Variants in MGLL observed in about 807,000 individuals in gnomAD.
The protein encoded by MGLL is monoglyceride lipase.
MGLL carries 7 observed loss-of-function variants against 29.1 expected under a neutral mutation model. The ratio of observed to expected loss-of-function variants is 0.24; its 90% CI spans 0.14 to 0.45. The LOEUF is 0.45. Among genes scored for constraint, MGLL ranks in the 20% least tolerant of loss-of-function variants. MGLL has a pLI of 0.99. For synonymous variants in MGLL, 148 were observed against 168.3 expected, an observed-to-expected ratio of 0.88 and a Z score of 0.93; for missense variants, 356 against 413.6, an observed-to-expected ratio of 0.86 and a Z score of 1.21.
intron 2 of MGLL, among the ~76,000 whole-genome samples, chr3:127,785,127 C>T (rs2077190978): frequency 6.6e-6 from 1 of 152,136 alleles, no homozygotes; most frequent in African/African-American, 2.4e-5. Context: ...CTTACTGGCA[C>T]CAGGGTTTCC....
At chr3:127,758,229 G>A (rs557847314) in intron 3 of MGLL, among the ~76,000 whole-genome samples, 1 of 152,286 alleles carries the variant, frequency 6.6e-6, no homozygotes, top group Non-Finnish European at 1.5e-5. Context: ...GCTTGAGCAT[G>A]GCCCCCTGCC....
chr3:127,784,505 G>T (rs138779530), intron 2 of MGLL, among the ~76,000 whole-genome samples: 1 of 152,162 alleles, frequency 6.6e-6, no homozygotes, highest in African/African-American at 2.4e-5. Flanking sequence ...GGTAGACCAC[G>T]AGTTCTAGCC....
At chr3:127,747,715 C>T (rs2076475028) in intron 3 of MGLL, among the ~76,000 whole-genome samples, 1 of 152,172 alleles carries the variant, frequency 6.6e-6, no homozygotes, top group Admixed American at 6.5e-5. Flanking sequence ...GAAAGAAAAC[C>T]TCAGGCTCCC....
chr3:127,755,470 G>C (rs2076646612), intron 3 of MGLL, among the ~76,000 whole-genome samples: 1 of 152,168 alleles, frequency 6.6e-6, no homozygotes, highest in Non-Finnish European at 1.5e-5. Context: ...GTAGGTCAAT[G>C]GGTTTTCAGT....
At chr3:127,754,007 C>G (rs549561994) in intron 3 of MGLL, among the ~76,000 whole-genome samples, 1 of 152,376 alleles carries the variant, frequency 6.6e-6, no homozygotes, top group South Asian at 2.1e-4. Flanking sequence ...CCCTGCACTC[C>G]TAGCCCATTC....
At chr3:127,819,608 G>T (rs1187212185) in intron 2 of MGLL, among the ~76,000 whole-genome samples, 1 of 152,140 alleles carries the variant, frequency 6.6e-6, no homozygotes, top group Admixed American at 6.5e-5. Flanking sequence ...TTGCTGAAGA[G>T]GGGTAAAAAG....
chr3:127,719,820 AGTCC>A (rs2075884789), intron 5 of MGLL, among the ~76,000 whole-genome samples: 1 of 152,216 alleles, frequency 6.6e-6, no homozygotes, highest in South Asian at 2.1e-4. Context: ...AATTTCAGTA[AGTCC>A]GTGATTTCCT....
intron 3 of MGLL, among the ~76,000 whole-genome samples, chr3:127,776,383 G>A (rs561621859): frequency 6.6e-6 from 1 of 152,274 alleles, no homozygotes; most frequent in African/African-American, 2.4e-5. Flanking sequence ...GTGGGGGAGG[G>A]GGAGCCCAGG....
chr3:127,694,860 T>C (rs1559902691), intron 7 of MGLL, 115 bp downstream of exon 7: 3 of 983,158 alleles, frequency 3.1e-6, no homozygotes, highest in Non-Finnish European at 4.8e-6. Context: ...GGCTGGTCCC[T>C]ATCCTGAGAC....
intron 2 of MGLL, among the ~76,000 whole-genome samples, chr3:127,808,194 G>A (rs11926105): frequency 0.018 from 2,735 of 152,266 alleles, 83 homozygotes; most frequent in African/African-American, 0.062. Flanking sequence ...GACAGAAAGT[G>A]ATTCCCATGC....
At chr3:127,726,198 G>GA (rs1282736094) in intron 3 of MGLL, among the ~76,000 whole-genome samples, 8 of 119,742 alleles carry the variant, frequency 6.7e-5, no homozygotes, top group Non-Finnish European at 9.0e-5. Context: ...AGAAAAGAAA[G>GA]AAAGAAAGAC....
At chr3:127,779,694 A>T (rs1344858880) in intron 3 of MGLL, among the ~76,000 whole-genome samples, 1 of 152,216 alleles carries the variant, frequency 6.6e-6, no homozygotes, top group Non-Finnish European at 1.5e-5. Flanking sequence ...TAGTAAAATC[A>T]GTTAGCGTCA....
intron 2 of MGLL, among the ~76,000 whole-genome samples, chr3:127,818,890 G>C (rs1381124089): frequency 6.6e-6 from 1 of 152,068 alleles, no homozygotes; most frequent in Non-Finnish European, 1.5e-5. Flanking sequence ...GAACATACCT[G>C]GCACTCAATT....
chr3:127,692,427 C>T (rs1383019959), intron 7 of MGLL, 104 bp from the exon 8 acceptor site: 2 of 1,461,140 alleles, frequency 1.4e-6, no homozygotes, highest in Non-Finnish European at 1.9e-6. Context: ...TCTCCGGACC[C>T]TCTCCCTATG....
chr3:127,739,062 G>A (rs1025706964), intron 3 of MGLL, among the ~76,000 whole-genome samples: 1 of 152,202 alleles, frequency 6.6e-6, no homozygotes, highest in South Asian at 2.1e-4. Flanking sequence ...CCATTTGCCT[G>A]CATCTTAAAT....
At chr3:127,788,494 G>C (rs1489322983) in intron 2 of MGLL, among the ~76,000 whole-genome samples, 1 of 152,110 alleles carries the variant, frequency 6.6e-6, no homozygotes, top group African/African-American at 2.4e-5. Context: ...GTAATGGTCA[G>C]GTCATGCCCC....
rs536099558 is a variant in MGLL, at chr3:127,745,899, G to C, written c.263-23333C>G. On this transcript the variant is annotated intron_variant, in intron 3 of 7. Transcript: ENST00000265052. ...CAGGGGCGGGGCATGGAAGGGGAAG[G>C]CTGCACAACGGACTGACCCTTCACA... Among the ~76,000 whole-genome samples the C allele has an allele frequency of 2.1e-4, 32 of 152,274 alleles. No individual in the cohort carries two copies. The South Asian group carries it at 2.3e-3, about 11-fold the overall frequency.
intron 6 of MGLL, among the ~76,000 whole-genome samples, chr3:127,703,633 A>G (rs1243235305): frequency 6.6e-6 from 1 of 152,198 alleles, no homozygotes; most frequent in Non-Finnish European, 1.5e-5. Context: ...ATGACATTGG[A>G]TTTGGCAACA....
intron 2 of MGLL, among the ~76,000 whole-genome samples, chr3:127,804,504 C>T (rs1420554276): frequency 6.6e-6 from 1 of 152,168 alleles, no homozygotes; most frequent in Non-Finnish European, 1.5e-5. Flanking sequence ...CCTCAGTTTC[C>T]CCATGGTAGA....
Sources: gnomAD v4.1 joint callset for allele counts (sites outside exome capture counted in the v4.1 genomes callset) on GRCh38, gnomAD v4.1.1 for gene constraint, MANE v1.5 for transcripts, NCBI Gene and HGNC (gene_info 2026-07-23, HGNC 2026-07-21) for gene names.